DGKK: variants seen among roughly 807,000 people sequenced by gnomAD.
DGKK encodes diacylglycerol kinase kappa.
In DGKK, 35 loss-of-function variants were observed where a neutral mutation model predicts 92.2. The observed-to-expected ratio is 0.38, with a 90% CI of 0.29 to 0.50. DGKK has a LOEUF of 0.50. Ranked by LOEUF, DGKK falls within the 20% of genes least tolerant of loss-of-function variation. The probability of loss-of-function intolerance (pLI) is 0.92; values close to 1 mark genes in which losing one functional copy is unlikely to be tolerated. For synonymous variants in DGKK, 368 were observed against 360.6 expected (o/e 1.02, Z -0.23); for missense variants, 910 against 992.2 (o/e 0.92, Z 1.11).
chrX:50,386,451 T>C lies in DGKK; in HGVS notation c.2254A>G (p.Ile752Val). Residue 752 changes from isoleucine (I) to valine (V), a missense_variant, in exon 15 of 28, where the codon ATA becomes GTA. Ile to Val is a conservative substitution (Grantham distance 29). Transcript: ENST00000611977. ...KADRKPFIPQ[I>V]DHIAKCKLEL... is the part of the protein sequence containing the mutation. ...AACTTGCACTTGGCTATGTGGTCTA[T>C]TTGAGGAATGAAGGGCTTCCTATCT... The C allele has an allele frequency of 5.8e-6, 7 of 1,211,280 alleles. No individual in the cohort carries two copies. Among genetic ancestry groups the C allele is most frequent in the Non-Finnish European group, 7.8e-6 (7 of 895,146 alleles).
intron 8 of DGKK, among the ~76,000 whole-genome samples, chrX:50,397,055 T>C (rs1392958067): frequency 8.9e-6 from 1 of 111,952 alleles, no homozygotes; most frequent in Non-Finnish European, 1.9e-5. Context: ...GGAATAAATG[T>C]GAAGCTTGCC....
chrX:50,422,806 G>A (rs1304230053), intron 2 of DGKK, among the ~76,000 whole-genome samples: 1 of 112,369 alleles, frequency 8.9e-6, no homozygotes, highest in Non-Finnish European at 1.9e-5. Context: ...GAGTTGGTCA[G>A]CTCAGAATTA....
chrX:50,436,722 T>G (rs782161263), intron 1 of DGKK, among the ~76,000 whole-genome samples: 15 of 111,093 alleles, frequency 1.4e-4, no homozygotes, highest in Admixed American at 8.6e-4. Flanking sequence ...GTAATGCTAT[T>G]GGCCTTTTTT....
chrX:50,417,626 T>A (rs1272496461), intron 4 of DGKK, among the ~76,000 whole-genome samples: 2 of 111,056 alleles, frequency 1.8e-5, no homozygotes, highest in African/African-American at 6.6e-5. Flanking sequence ...CTCTTTCTTA[T>A]ATTTAGGTTC....
intron 1 of DGKK, among the ~76,000 whole-genome samples, chrX:50,447,351 A>AT (rs1415577711): frequency 1.2e-4 from 1 of 8,566 alleles, no homozygotes; most frequent in Non-Finnish European, 1.6e-4. Flanking sequence ...TATTATATAT[A>AT]TATATAATAT....
chrX:50,402,454 G>A (rs2147128991), intron 7 of DGKK, among the ~76,000 whole-genome samples: 1 of 111,308 alleles, frequency 9.0e-6, no homozygotes, highest in South Asian at 3.9e-4. Context: ...AAAGAGCATA[G>A]TCTTTGCAGA....
chrX:50,371,056 T>C (rs1386346306), intron 26 of DGKK, among the ~76,000 whole-genome samples: 1 of 112,841 alleles, frequency 8.9e-6, no homozygotes, highest in African/African-American at 3.2e-5. Context: ...CTTCCCTGTC[T>C]GGAATGCAAA....
At chrX:50,371,351 T>G (rs782438565) in intron 26 of DGKK, among the ~76,000 whole-genome samples, 1 of 112,170 alleles carries the variant, frequency 8.9e-6, no homozygotes, top group African/African-American at 3.2e-5. Context: ...CATACTGGTA[T>G]GAACCAGATG....
intron 8 of DGKK, among the ~76,000 whole-genome samples, chrX:50,393,829 G>T (rs1924765600): frequency 8.9e-6 from 1 of 111,838 alleles, no homozygotes; most frequent in Non-Finnish European, 1.9e-5. Flanking sequence ...GGGAAGGAAA[G>T]GCTGTCATTT....
At chrX:50,467,636 A>G (rs1926941061) in intron 1 of DGKK, among the ~76,000 whole-genome samples, 1 of 112,747 alleles carries the variant, frequency 8.9e-6, no homozygotes. Context: ...GCTTGCCTCG[A>G]GGAGGCAGTG....
intron 4 of DGKK, 57 bp downstream of exon 4, chrX:50,420,346 A>G (rs1925548852): frequency 9.3e-7 from 1 of 1,071,115 alleles, no homozygotes; most frequent in Non-Finnish European, 1.3e-6. Flanking sequence ...GGCTTAACTA[A>G]TGCAATTAAT....
At chrX:50,369,084 T>C (rs1924047529) in intron 27 of DGKK, 65 bp from the exon 28 acceptor site, 5 of 905,375 alleles carry the variant, frequency 5.5e-6, no homozygotes, top group Non-Finnish European at 7.8e-6. Flanking sequence ...CCCAAGTATG[T>C]GGACCCAAAA....
intron 4 of DGKK, among the ~76,000 whole-genome samples, chrX:50,419,517 T>TC (rs782246305): frequency 8.9e-6 from 1 of 112,369 alleles, no homozygotes; most frequent in East Asian, 2.8e-4. Context: ...GGATTCACCT[T>TC]CCCCTTTATC....
intron 1 of DGKK, 122 bp from the exon 2 acceptor site, chrX:50,424,480 G>T: frequency 1.7e-6 from 1 of 577,512 alleles, no homozygotes; most frequent in Non-Finnish European, 2.7e-6. Flanking sequence ...CTGAGAAATG[G>T]CCTGAAGGCC....
intron 1 of DGKK, among the ~76,000 whole-genome samples, chrX:50,464,141 GTT>G (rs57822841): frequency 3.2e-4 from 31 of 97,679 alleles, no homozygotes; most frequent in African/African-American, 7.0e-4. Context: ...AAAAAAATCG[GTT>G]TTTTTTTTTT....
chrX:50,416,507 C>T (rs1226487998), intron 4 of DGKK, among the ~76,000 whole-genome samples: 2 of 112,105 alleles, frequency 1.8e-5, no homozygotes, highest in Non-Finnish European at 3.8e-5. Context: ...AGATATAATT[C>T]CATAAAGGAG....
chrX:50,453,973 TTC>T (rs1249425873), intron 1 of DGKK, among the ~76,000 whole-genome samples: 8 of 103,033 alleles, frequency 7.8e-5, no homozygotes, highest in Non-Finnish European at 1.2e-4. Context: ...TCTCCCCCAG[TTC>T]TCTCACACCT....
intron 1 of DGKK, among the ~76,000 whole-genome samples, chrX:50,430,082 A>C (rs1041365283): frequency 8.9e-6 from 1 of 112,280 alleles, no homozygotes; most frequent in Non-Finnish European, 1.9e-5. Flanking sequence ...CAGTTTTGAG[A>C]CTTTGCAACA....
intron 1 of DGKK, among the ~76,000 whole-genome samples, chrX:50,449,931 G>A (rs1926457700): frequency 9.0e-6 from 1 of 110,692 alleles, no homozygotes; most frequent in South Asian, 3.8e-4. Flanking sequence ...AGCCTTCTGC[G>A]AGATGGACTT....
Sources: allele counts gnomAD v4.1 joint callset (sites outside exome capture counted in the v4.1 genomes callset), GRCh38; gene constraint gnomAD v4.1.1; transcripts MANE v1.5; gene names NCBI Gene and HGNC (gene_info 2026-07-23, HGNC 2026-07-21).